The following GRIK4 variants were observed in gnomAD, a reference collection of about 807,000 sequenced individuals.
The protein encoded by GRIK4 is glutamate receptor ionotropic, kainate 4.
A neutral mutation model predicts 104.9 loss-of-function variants in GRIK4; 40 were observed. The ratio of observed to expected loss-of-function variants is 0.38; its 90% CI spans 0.30 to 0.50. GRIK4 has a LOEUF of 0.50. GRIK4 is among the 20% of genes least tolerant of loss of function. The probability of loss-of-function intolerance (pLI) is 0.93; values close to 1 mark genes in which losing one functional copy is unlikely to be tolerated. For missense variants in GRIK4, 1,047 were observed against 1,308.1 expected (o/e 0.80, Z 3.08); for synonymous variants, 485 against 524.9 (o/e 0.92, Z 1.04).
intron 1 of GRIK4, among the ~76,000 whole-genome samples, chr11:120,600,989 G>A (rs1011033679): frequency 2.6e-5 from 4 of 152,212 alleles, no homozygotes; most frequent in Admixed American, 6.5e-5. Context: ...TGGGGAGATG[G>A]AAGCTGTAGT....
intron 1 of GRIK4, among the ~76,000 whole-genome samples, chr11:120,584,947 T>G (rs947375237): frequency 2.0e-5 from 3 of 152,192 alleles, no homozygotes; most frequent in African/African-American, 7.2e-5. Flanking sequence ...GCTGCTGGAT[T>G]TGGTTTGCTA....
intron 19 of GRIK4, among the ~76,000 whole-genome samples, chr11:120,981,627 G>A (rs181405601): frequency 7.6e-4 from 115 of 152,284 alleles, no homozygotes; most frequent in Non-Finnish European, 1.3e-3. Context: ...GTAACATGTT[G>A]ACAAAGATAG....
intron 3 of GRIK4, among the ~76,000 whole-genome samples, chr11:120,772,321 A>G (rs1248219682): frequency 6.6e-6 from 1 of 152,226 alleles, no homozygotes; most frequent in Non-Finnish European, 1.5e-5. Flanking sequence ...GAAGTCCAAG[A>G]TTACACAGCC....
intron 19 of GRIK4, among the ~76,000 whole-genome samples, chr11:120,979,800 C>G (rs542505875): frequency 2.4e-4 from 36 of 152,204 alleles, no homozygotes; most frequent in African/African-American, 8.7e-4. Context: ...AAGAGGAATG[C>G]GAGACCCTCT....
At chr11:120,968,070 A>G (rs1944414926) in intron 19 of GRIK4, among the ~76,000 whole-genome samples, 1 of 152,218 alleles carries the variant, frequency 6.6e-6, no homozygotes, top group Admixed American at 6.5e-5. Flanking sequence ...AGGGTTGGTC[A>G]TCACAGGGCT....
chr11:120,651,279 C>T (rs1398224261), intron 1 of GRIK4, among the ~76,000 whole-genome samples: 1 of 152,164 alleles, frequency 6.6e-6, no homozygotes, highest in Non-Finnish European at 1.5e-5. Flanking sequence ...GCAACCTTTC[C>T]AGGGAGCTAT....
intron 7 of GRIK4, 88 bp from the exon 8 acceptor site, chr11:120,836,703 A>G: frequency 1.2e-6 from 1 of 836,388 alleles, no homozygotes; most frequent in Non-Finnish European, 2.1e-6. Flanking sequence ...TGGGCCAGAC[A>G]AATGGTAGAC....
intron 1 of GRIK4, among the ~76,000 whole-genome samples, chr11:120,512,844 G>T (rs973010085): frequency 6.6e-6 from 1 of 152,182 alleles, no homozygotes; most frequent in Non-Finnish European, 1.5e-5. Context: ...AGCCTGGGGA[G>T]AGTTGGCTGA....
chr11:120,874,252 C>T, intron 10 of GRIK4, 34 bp downstream of exon 10: 1 of 1,576,440 alleles, frequency 6.3e-7, no homozygotes. Flanking sequence ...AGGGCTGTGC[C>T]CAGGCTAGTG....
chr11:120,518,512 G>C (rs1332992439), intron 1 of GRIK4, among the ~76,000 whole-genome samples: 1 of 152,060 alleles, frequency 6.6e-6, no homozygotes, highest in Non-Finnish European at 1.5e-5. Context: ...GAGAGACGAG[G>C]GGCCCAAAGC....
At chr11:120,949,389 A>G (rs1943945217) in intron 14 of GRIK4, among the ~76,000 whole-genome samples, 1 of 152,164 alleles carries the variant, frequency 6.6e-6, no homozygotes, top group African/African-American at 2.4e-5. Flanking sequence ...CTGTTGTCTA[A>G]TTTTCAATTT....
At chr11:120,853,595 G>A (rs185307066) in intron 8 of GRIK4, among the ~76,000 whole-genome samples, 7 of 152,218 alleles carry the variant, frequency 4.6e-5, no homozygotes, top group Non-Finnish European at 7.3e-5. Context: ...AGCATGGAAG[G>A]GGAGGATGCA....
Position 120,902,860 on chromosome 11 carries a change from C to T in GRIK4, c.1273-2430C>T, listed in dbSNP as rs1370294789. ...GGAGAAGCCCTTGTGCTGAGGACGGCGTGTGTGGAAGGCAGGCTGACCGTT... is the reference window on the plus strand; with the variant it reads ...GGAGAAGCCCTTGTGCTGAGGACGGTGTGTGTGGAAGGCAGGCTGACCGTT... On this transcript the variant is annotated intron_variant, in intron 12 of 20. Transcript: ENST00000527524. The surrounding 1 kb of genome is among the most constrained non-coding windows in gnomAD (Gnocchi z 4.5). Among the ~76,000 whole-genome samples, 4 of 152,070 alleles carry T rather than the reference C, an allele frequency of 2.6e-5. No homozygotes were observed. Among genetic ancestry groups the T allele is most frequent in the Non-Finnish European group, 5.9e-5 (4 of 68,002 alleles).
intron 6 of GRIK4, among the ~76,000 whole-genome samples, chr11:120,827,926 G>A (rs925423624): frequency 2.0e-4 from 30 of 152,160 alleles, no homozygotes; most frequent in Non-Finnish European, 7.3e-5. Context: ...TTGAGCTGGA[G>A]TCTGTCTCCC....
chr11:120,659,540 G>C, intron 2 of GRIK4, among the ~76,000 whole-genome samples: 1 of 152,140 alleles, frequency 6.6e-6, no homozygotes, highest in East Asian at 1.9e-4. Context: ...ACACTGAGCC[G>C]AGACACAGAG....
At chr11:120,947,103 A>C (rs1026813198) in intron 14 of GRIK4, among the ~76,000 whole-genome samples, 3 of 152,344 alleles carry the variant, frequency 2.0e-5, no homozygotes, top group Non-Finnish European at 4.4e-5. Flanking sequence ...GACAGTGTTT[A>C]AAAAGTAAGG....
At chr11:120,791,278 A>G (rs1420700143) in intron 3 of GRIK4, among the ~76,000 whole-genome samples, 4 of 152,160 alleles carry the variant, frequency 2.6e-5, no homozygotes, top group Non-Finnish European at 4.4e-5. Flanking sequence ...GGTATGGTCA[A>G]GCTTTTTAAT....
intron 1 of GRIK4, chr11:120,514,897 C>T (rs1172678285): frequency 2.2e-6 from 1 of 446,540 alleles, no homozygotes; most frequent in African/African-American, 2.0e-5. Context: ...TTTGGCTGTT[C>T]ACCCTGAGTT....
In GRIK4 at chr11:120,905,492, G is replaced by A; in HGVS notation, c.1475G>A (p.Arg492Lys). The A allele has an allele frequency of 6.2e-7, 1 of 1,604,006 alleles. No homozygotes were observed. Among genetic ancestry groups the A allele is most frequent in the Non-Finnish European group, 8.5e-7 (1 of 1,173,712 alleles). Residue 492 changes from arginine (R) to lysine (K), a missense_variant and splice_region_variant, in exon 13 of 21, where the codon AGG becomes AAG. Physicochemically the swap from Arg to Lys is conservative, Grantham distance 26. Transcript: ENST00000527524. The surrounding 1 kb of genome is among the most constrained non-coding windows in gnomAD (Gnocchi z 5.1). ...GGAATGGTCGGGGAGCTGATCGCTA[G>A]GGTAAGGAGAGGACAAGTGATCTGG... ...WTGMVGELIARKADLAVAGLT... is the reference protein window; with the variant it reads ...WTGMVGELIAKKADLAVAGLT...
Sources: allele counts gnomAD v4.1 joint callset (sites outside exome capture counted in the v4.1 genomes callset), GRCh38; gene constraint gnomAD v4.1.1; non-coding constraint Gnocchi (gnomAD v3.1); transcripts MANE v1.5; gene names NCBI Gene and HGNC (gene_info 2026-07-23, HGNC 2026-07-21).